The following STOX2 variants were observed in gnomAD, a reference collection of about 807,000 sequenced individuals.
The protein encoded by STOX2 is storkhead box 2.
Under a neutral mutation model 60.9 loss-of-function variants are expected in STOX2, and 28 were observed. That is an observed-to-expected ratio of 0.46 (90% CI 0.34 to 0.63). The LOEUF is 0.63. Among genes scored for constraint, STOX2 ranks in the 30% least tolerant of loss-of-function variants. The probability of loss-of-function intolerance (pLI) is 0.01; values close to 1 mark genes in which losing one functional copy is unlikely to be tolerated. For missense variants in STOX2, 1,024 were observed against 1,187.7 expected (o/e 0.86, Z 2.03); for synonymous variants, 472 against 463.9 (o/e 1.02, Z -0.22).
Position 184,009,374 on chromosome 4 carries a change from C to A in STOX2, c.536C>A (p.Thr179Lys). Residue 179 changes from threonine to lysine, a missense_variant, in exon 3 of 4, where the codon ACG becomes AAG. By Grantham distance (78) the Thr-to-Lys change is moderately conservative. This residue lies in a region of STOX2 where 922 missense variants were observed against 1,058.3 expected (regional missense o/e 0.87). Coordinates refer to ENST00000308497, the MANE Select transcript of STOX2 (RefSeq NM_020225.3). This position sits in a 1 kb window ranked among gnomAD's most constrained non-coding sequence, Gnocchi z 4.0. ...QCTSPQPGTI[T>K]PSASGCVRER... ...ACCTCTCCGCAACCCGGGACCATCA[C>A]GCCCTCTGCCTCAGGCTGTGTCAGG... The A allele has an allele frequency of 6.2e-7, 1 of 1,614,030 alleles. No homozygotes were observed. The highest frequency in any genetic ancestry group is 1.1e-5 in the South Asian group (1 of 91,078).
At chr4:183,990,368 A>G (rs1733050379) in intron 1 of STOX2, among the ~76,000 whole-genome samples, 1 of 152,132 alleles carries the variant, frequency 6.6e-6, no homozygotes, top group Admixed American at 6.5e-5. Context: ...AGCTCTTCTA[A>G]GGGTGTTTTG....
At position 184,011,163 on chromosome 4, in the gene STOX2, C is replaced by A; in HGVS notation, c.2325C>A (p.Asn775Lys). Residue 775 changes from asparagine to lysine, a missense_variant, in exon 3 of 4, where the codon AAC becomes AAA. Asn to Lys is a moderately conservative substitution (Grantham distance 94). Transcript: ENST00000308497. This position sits in a 1 kb window ranked among gnomAD's most constrained non-coding sequence, Gnocchi z 4.4. ...AGGAAGCCTCTTTTGACTATTACAA[C>A]GTCTCTGATGATGACGACTCTGAGG... ...GNQEASFDYY[N>K]VSDDDDSEEG... is the part of the protein sequence containing the mutation. 1 of 1,582,014 alleles carries A rather than the reference C, an allele frequency of 6.3e-7. No individual in the cohort carries two copies. Among genetic ancestry groups the A allele is most frequent in the Non-Finnish European group, 8.6e-7 (1 of 1,166,532 alleles).
intron 1 of STOX2, among the ~76,000 whole-genome samples, chr4:183,974,442 A>AT (rs956694984): frequency 4.0e-4 from 61 of 152,112 alleles, no homozygotes; most frequent in African/African-American, 9.4e-4. Context: ...GTCATAATGG[A>AT]TTTTTTTTAA....
intron 1 of STOX2, among the ~76,000 whole-genome samples, chr4:183,962,226 T>C (rs1743432901): frequency 6.6e-6 from 1 of 152,250 alleles, no homozygotes; most frequent in African/African-American, 2.4e-5. Context: ...CTTTGTTGAC[T>C]CGCAGGCTGT....
chr4:183,913,640 G>A (rs192732293), intron 1 of STOX2, among the ~76,000 whole-genome samples: 107 of 152,190 alleles, frequency 7.0e-4, no homozygotes, highest in Non-Finnish European at 1.2e-3. Context: ...GCATGGTGGC[G>A]CGTGCCTGTA....
intron 1 of STOX2, among the ~76,000 whole-genome samples, chr4:183,831,040 C>A (rs1280451672): frequency 1.3e-5 from 2 of 151,558 alleles, no homozygotes; most frequent in Admixed American, 6.6e-5. Flanking sequence ...GCGGAGATGG[C>A]CAAGCACTAC....
intron 1 of STOX2, among the ~76,000 whole-genome samples, chr4:183,895,166 T>C (rs1324113090): frequency 6.6e-6 from 1 of 152,202 alleles, no homozygotes; most frequent in East Asian, 1.9e-4. Context: ...CTCTGAGCCT[T>C]AGTTTTTCAT....
At chr4:183,819,474 C>T (rs1309479618) in intron 1 of STOX2, among the ~76,000 whole-genome samples, 2 of 150,788 alleles carry the variant, frequency 1.3e-5, no homozygotes, top group African/African-American at 2.4e-5. Flanking sequence ...AGGGAGGTTG[C>T]AGTGAGCAGA....
chr4:183,991,201 C>T (rs1733090982), intron 1 of STOX2, among the ~76,000 whole-genome samples: 1 of 152,156 alleles, frequency 6.6e-6, no homozygotes, highest in Non-Finnish European at 1.5e-5. Flanking sequence ...TGTTTGCACT[C>T]CCAGCCTGGT....
At chr4:183,850,879 A>AAAGGATGAGGGAAAGGATGAGG (rs1740103779) in intron 1 of STOX2, among the ~76,000 whole-genome samples, 1 of 93,358 alleles carries the variant, frequency 1.1e-5, no homozygotes, top group African/African-American at 4.1e-5. Context: ...AAAGGATGAG[A>AAAGGATGAGGGAAAGGATGAGG]GAAAGGATGA....
At chr4:183,883,122 A>G (rs1740993243) in intron 1 of STOX2, among the ~76,000 whole-genome samples, 1 of 151,992 alleles carries the variant, frequency 6.6e-6, no homozygotes, top group Non-Finnish European at 1.5e-5. Context: ...TTATATCCCC[A>G]TCTACTCCCT....
intron 1 of STOX2, among the ~76,000 whole-genome samples, chr4:183,826,869 T>G (rs1200317722): frequency 1.3e-5 from 2 of 152,384 alleles, no homozygotes; most frequent in Admixed American, 1.3e-4. Flanking sequence ...TTGAGCTTGC[T>G]GCTCAACAGG....
intron 1 of STOX2, among the ~76,000 whole-genome samples, chr4:183,824,900 G>A (rs1012706319): frequency 4.6e-5 from 7 of 152,202 alleles, no homozygotes; most frequent in Admixed American, 6.5e-5. Flanking sequence ...CTGTGAGCTC[G>A]TGAAGAGAGG....
chr4:183,992,462 G>A (rs564756194), intron 1 of STOX2, among the ~76,000 whole-genome samples: 4 of 152,252 alleles, frequency 2.6e-5, no homozygotes, highest in Non-Finnish European at 5.9e-5. Context: ...AGCATCTAAT[G>A]TCTAGTGTTA....
At chr4:183,974,725 T>C (rs1473286484) in intron 1 of STOX2, among the ~76,000 whole-genome samples, 1 of 151,952 alleles carries the variant, frequency 6.6e-6, no homozygotes, top group African/African-American at 2.4e-5. Flanking sequence ...AGAATAGAAC[T>C]GAAAGGAAAA....
intron 1 of STOX2, among the ~76,000 whole-genome samples, chr4:183,835,099 C>T (rs769843522): frequency 1.1e-4 from 17 of 150,796 alleles, no homozygotes; most frequent in African/African-American, 1.9e-4. Flanking sequence ...TTAACAATTA[C>T]GTGACCCTCA....
rs117724178 is a variant in STOX2 at position 183,993,078 on chromosome 4, C to T, written c.167-8247C>T. ...CAGAGACGTCAGGAATCACCTCTGG[C>T]GGTGGGGAAGGTGGCTCTTGGCCAG... On this transcript the variant is annotated intron_variant, in intron 1 of 3. Coordinates refer to ENST00000308497, the MANE Select transcript of STOX2 (RefSeq NM_020225.3). Among the ~76,000 whole-genome samples, 164 of 152,374 alleles carry T rather than the reference C, an allele frequency of 1.1e-3. 3 individuals carry two copies. In the East Asian group the frequency reaches 0.029, roughly 27 times the overall value.
chr4:183,886,348 A>AG lies in STOX2; in HGVS notation c.364+88301dup, dbSNP rs35766551. Among the ~76,000 whole-genome samples the AG allele has an allele frequency of 4.4e-5, 5 of 113,916 alleles. No homozygotes were observed. The South Asian group carries it at 8.9e-4, about 20-fold the overall frequency. 74.7% of individuals were successfully genotyped at this position (113,916 alleles called of 152,430 possible). On this transcript the variant is annotated intron_variant, in intron 1 of 2. Coordinates refer to the STOX2 transcript ENST00000513034. ...GGGTCACTAGGATTGCACAACAGAA[A>AG]GGGGGGGGAATGAGGAAAGGCCTCC...
chr4:183,967,713 A>T (rs1743619839), intron 1 of STOX2, among the ~76,000 whole-genome samples: 1 of 152,224 alleles, frequency 6.6e-6, no homozygotes, highest in Non-Finnish European at 1.5e-5. Flanking sequence ...TGGTGATAGT[A>T]GGAAGGAAAG....
Sources: gnomAD v4.1 joint callset for allele counts (sites outside exome capture counted in the v4.1 genomes callset) on GRCh38, gnomAD v4.1.1 for gene constraint, gnomAD v4.1.1 regional missense constraint, Gnocchi (gnomAD v3.1) non-coding constraint, MANE v1.5 for transcripts, NCBI Gene and HGNC (gene_info 2026-07-23, HGNC 2026-07-21) for gene names.